The following LRP1B variants were observed in gnomAD, a reference collection of about 807,000 sequenced individuals.
LRP1B encodes low-density lipoprotein receptor-related protein 1B.
LRP1B carries 217 observed loss-of-function variants against 556.6 expected under a neutral mutation model. The ratio of observed to expected loss-of-function variants is 0.39; its 90% CI spans 0.35 to 0.44. The LOEUF (loss-of-function observed/expected upper bound fraction) is 0.44. Among genes scored for constraint, LRP1B ranks in the 20% least tolerant of loss-of-function variants. The pLI is 1.00. For missense variants in LRP1B, 5,053 were observed against 5,620.8 expected, an observed-to-expected ratio of 0.90 and a Z score of 3.23; for synonymous variants, 2,047 against 1,865.8, an observed-to-expected ratio of 1.10 and a Z score of -2.50.
chr2:141,358,491 A>T (rs182610712), intron 3 of LRP1B, among the ~76,000 whole-genome samples: 1 of 152,250 alleles, frequency 6.6e-6, no homozygotes, highest in Admixed American at 6.5e-5. Flanking sequence ...CAGGTGAGAT[A>T]CCCTGAAAGG....
intron 1 of LRP1B, among the ~76,000 whole-genome samples, chr2:141,844,389 ATGTTCCATAACTT>A (rs1697574253): frequency 6.6e-6 from 1 of 152,144 alleles, no homozygotes; most frequent in African/African-American, 2.4e-5. Context: ...TTACCTAGCT[ATGTTCCATAACTT>A]TGTTACATAA....
intron 1 of LRP1B, among the ~76,000 whole-genome samples, chr2:142,085,351 T>C (rs1356549299): frequency 6.6e-6 from 1 of 152,220 alleles, no homozygotes; most frequent in Non-Finnish European, 1.5e-5. Context: ...TGTAATATTG[T>C]ACTATTTGTA....
At chr2:141,421,600 T>A (rs1016809580) in intron 3 of LRP1B, among the ~76,000 whole-genome samples, 1 of 152,210 alleles carries the variant, frequency 6.6e-6, no homozygotes, top group Non-Finnish European at 1.5e-5. Flanking sequence ...ATAGGTCTTT[T>A]GAAAATGACA....
At chr2:141,653,687 T>C (rs1689887652) in intron 2 of LRP1B, among the ~76,000 whole-genome samples, 2 of 152,158 alleles carry the variant, frequency 1.3e-5, no homozygotes, top group South Asian at 2.1e-4. Flanking sequence ...GTAATCTTGA[T>C]TCTGTGGCTG....
intron 1 of LRP1B, among the ~76,000 whole-genome samples, chr2:141,930,662 G>T (rs1187908394): frequency 6.6e-6 from 1 of 151,996 alleles, no homozygotes; most frequent in African/African-American, 2.4e-5. Flanking sequence ...CATCTTGCTG[G>T]TTTGAGATTT....
intron 1 of LRP1B, among the ~76,000 whole-genome samples, chr2:141,922,168 C>T (rs183937755): frequency 1.3e-5 from 2 of 152,236 alleles, no homozygotes; most frequent in Non-Finnish European, 2.9e-5. Context: ...TTTGTAAAAA[C>T]ATATTAGGCA....
Position 141,923,460 on chromosome 2 carries a change from G to A in LRP1B, c.83-113059C>T, listed in dbSNP as rs867361003. Among the ~76,000 whole-genome samples, 87 of 111,508 alleles carry A rather than the reference G, an allele frequency of 7.8e-4. 1 individual carries two copies. Among genetic ancestry groups the A allele is most frequent in the South Asian group, 2.6e-3 (9 of 3,454 alleles). The allele number at this position is 111,508 out of a possible 152,430, so 73.2% of individuals were successfully genotyped here. On this transcript the variant is annotated intron_variant, in intron 1 of 90. Coordinates refer to ENST00000389484, the MANE Select transcript of LRP1B (RefSeq NM_018557.3). ...ATTATATATATATGTGTGTGTGTGT[G>A]TGTGTGTGTGTGTGTGTGTGTGTGT... is the stretch of plus-strand genomic sequence containing the variant.
At chr2:141,231,619 T>TGCCCC (rs1051730132) in intron 5 of LRP1B, among the ~76,000 whole-genome samples, 10 of 37,754 alleles carry the variant, frequency 2.6e-4, no homozygotes, top group Non-Finnish European at 4.5e-4. Context: ...CCCCCACCCC[T>TGCCCC]GCCCCGCCCC....
At chr2:141,065,027 C>T (rs1699440264) in intron 7 of LRP1B, among the ~76,000 whole-genome samples, 1 of 151,882 alleles carries the variant, frequency 6.6e-6, no homozygotes, top group African/African-American at 2.4e-5. Flanking sequence ...GAAATAGTTT[C>T]AAAGCCCTTA....
intron 68 of LRP1B, 59 bp downstream of exon 68, chr2:140,378,121 A>G (rs2105182462): frequency 8.8e-7 from 1 of 1,140,298 alleles, no homozygotes; most frequent in East Asian, 2.4e-5. Context: ...CTGAATAATA[A>G]TAATTACAAA....
intron 3 of LRP1B, among the ~76,000 whole-genome samples, chr2:141,459,442 G>A (rs1681770980): frequency 6.6e-6 from 1 of 152,092 alleles, no homozygotes; most frequent in Non-Finnish European, 1.5e-5. Flanking sequence ...GTGGGTGCAG[G>A]CATATGTTCC....
intron 20 of LRP1B, among the ~76,000 whole-genome samples, chr2:140,939,053 T>A (rs1363536017): frequency 6.6e-6 from 1 of 152,050 alleles, no homozygotes; most frequent in South Asian, 2.1e-4. Context: ...ATGATTAGTC[T>A]TGTATATTAT....
At chr2:142,101,199 AC>A (rs1267412185) in intron 1 of LRP1B, among the ~76,000 whole-genome samples, 1 of 151,918 alleles carries the variant, frequency 6.6e-6, no homozygotes, top group Admixed American at 6.6e-5. Context: ...GGTGATTTGG[AC>A]CACAGCCAGG....
At chr2:141,670,662 T>C (rs144116532) in intron 2 of LRP1B, among the ~76,000 whole-genome samples, 239 of 152,316 alleles carry the variant, frequency 1.6e-3, no homozygotes, top group East Asian at 5.2e-3. Context: ...GTGGTTGTTG[T>C]AGACATATTA....
intron 2 of LRP1B, among the ~76,000 whole-genome samples, chr2:141,502,888 T>A (rs921365683): frequency 3.3e-5 from 5 of 150,456 alleles, no homozygotes; most frequent in African/African-American, 1.2e-4. Context: ...AAATAAAAAT[T>A]AAAAATAAGA....
intron 18 of LRP1B, among the ~76,000 whole-genome samples, chr2:140,965,569 A>T (rs77408709): frequency 7.0e-6 from 1 of 142,824 alleles, no homozygotes; most frequent in South Asian, 2.2e-4. Context: ...TAATTTTTTT[A>T]TTAGACTTTA....
intron 2 of LRP1B, among the ~76,000 whole-genome samples, chr2:141,727,022 T>C (rs965762152): frequency 1.3e-5 from 2 of 152,018 alleles, no homozygotes; most frequent in African/African-American, 4.8e-5. Context: ...AGTATACTAA[T>C]TTGAAAATCC....
At chr2:140,884,122 A>C (rs774538477) in intron 24 of LRP1B, 101 bp from the exon 25 acceptor site, 100 of 1,084,244 alleles carry the variant, frequency 9.2e-5, no homozygotes, top group Admixed American at 2.3e-5. Context: ...AAATTATTTC[A>C]ATGTGATTTC....
chr2:141,968,742 T>A (rs1312668429), intron 1 of LRP1B, among the ~76,000 whole-genome samples: 1 of 151,796 alleles, frequency 6.6e-6, no homozygotes, highest in Non-Finnish European at 1.5e-5. Flanking sequence ...CACGTGTTAC[T>A]ATACATGTGC....
Sources: allele counts gnomAD v4.1 joint callset (sites outside exome capture counted in the v4.1 genomes callset), GRCh38; gene constraint gnomAD v4.1.1; transcripts MANE v1.5; gene names NCBI Gene and HGNC (gene_info 2026-07-23, HGNC 2026-07-21).